CACNA2D1: variants seen among roughly 807,000 people sequenced by gnomAD.
CACNA2D1 encodes the protein calcium voltage-gated channel auxiliary subunit alpha2delta 1.
Under a neutral mutation model 171.5 loss-of-function variants are expected in CACNA2D1, and 53 were observed. The observed-to-expected ratio is 0.31, with a 90% CI of 0.25 to 0.39. The LOEUF is 0.39. CACNA2D1 is among the 10% of genes least tolerant of loss of function. CACNA2D1 has a pLI of 1.00. For synonymous variants in CACNA2D1, 442 were observed against 443.1 expected, an observed-to-expected ratio of 1.00 and a Z score of 0.03; for missense variants, 903 against 1,299.8, an observed-to-expected ratio of 0.69 and a Z score of 4.69.
chr7:82,385,693 C>A (rs1824282110), intron 1 of CACNA2D1, among the ~76,000 whole-genome samples: 1 of 140,748 alleles, frequency 7.1e-6, no homozygotes, highest in Non-Finnish European at 1.5e-5. Flanking sequence ...GAGACAGAAT[C>A]TCTCTCTGTC....
intron 6 of CACNA2D1, among the ~76,000 whole-genome samples, chr7:82,097,438 G>C (rs1019801737): frequency 6.6e-6 from 1 of 152,126 alleles, no homozygotes; most frequent in Non-Finnish European, 1.5e-5. Flanking sequence ...GGTGGATATA[G>C]AGAGTGGAAA....
rs1393138703 is a variant in CACNA2D1, at chr7:81,967,196, T to C, written c.2475A>G (p.Pro825=). ...CACTGTTTCTTTTGCAGTCACAAAC[T>C]GGACCAGCACACTGAAAGACAAAAA... ...KTSIRDPCAG[P]VCDCKRNSDV... is the part of the protein sequence containing the mutation. The change falls in exon 31 of 39, where the codon CCA becomes CCG. Residue 825 remains proline (P), a synonymous_variant. Transcript: ENST00000356860. 9 of 1,608,574 alleles carry C rather than the reference T, an allele frequency of 5.6e-6. No individual in the cohort carries two copies. Among genetic ancestry groups the C allele is most frequent in the Non-Finnish European group, 6.0e-6 (7 of 1,176,350 alleles).
At chr7:82,292,738 T>C (rs1186943364) in intron 3 of CACNA2D1, among the ~76,000 whole-genome samples, 1 of 152,148 alleles carries the variant, frequency 6.6e-6, no homozygotes, top group Admixed American at 6.5e-5. Flanking sequence ...CTGTTCATTA[T>C]TTCACTTCCT....
intron 7 of CACNA2D1, among the ~76,000 whole-genome samples, chr7:82,070,448 C>T (rs758707228): frequency 2.0e-5 from 3 of 152,130 alleles, no homozygotes; most frequent in East Asian, 1.9e-4. Context: ...GGCTAAGTTG[C>T]GCAGGGTGTG....
intron 3 of CACNA2D1, among the ~76,000 whole-genome samples, chr7:82,323,909 C>A (rs185206186): frequency 7.2e-5 from 11 of 152,266 alleles, no homozygotes; most frequent in African/African-American, 1.9e-4. Flanking sequence ...AATTAGGTGC[C>A]CTCTACCATT....
chr7:82,214,444 C>CTT (rs768757608), intron 3 of CACNA2D1, among the ~76,000 whole-genome samples: 2 of 140,440 alleles, frequency 1.4e-5, no homozygotes, highest in Admixed American at 7.2e-5. Context: ...CGCAAGGTGG[C>CTT]TTTTTTTTTT....
chr7:81,959,471 T>C, intron 37 of CACNA2D1, 114 bp from the exon 38 acceptor site: 1 of 804,344 alleles, frequency 1.2e-6, no homozygotes, highest in Non-Finnish European at 2.1e-6. Context: ...ACATCATTAC[T>C]CTCATCCAAC....
chr7:81,983,820 G>A (rs959739147), intron 22 of CACNA2D1, among the ~76,000 whole-genome samples: 6 of 152,110 alleles, frequency 3.9e-5, no homozygotes, highest in African/African-American at 1.4e-4. Flanking sequence ...AGAACTGACA[G>A]AGAAATGAAA....
chr7:82,395,190 C>T (rs1825635328), intron 1 of CACNA2D1, among the ~76,000 whole-genome samples: 1 of 102,256 alleles, frequency 9.8e-6, no homozygotes, highest in African/African-American at 5.7e-5. Flanking sequence ...AAAAACACAA[C>T]ATCAAATTAA....
intron 24 of CACNA2D1, among the ~76,000 whole-genome samples, chr7:81,978,551 A>C (rs1211900766): frequency 6.6e-6 from 1 of 151,810 alleles, no homozygotes; most frequent in Non-Finnish European, 1.5e-5. Context: ...GACACCAGGG[A>C]GGGGAACATC....
At chr7:82,414,370 T>C (rs1478542025) in intron 1 of CACNA2D1, among the ~76,000 whole-genome samples, 1 of 152,208 alleles carries the variant, frequency 6.6e-6, no homozygotes, top group South Asian at 2.1e-4. Flanking sequence ...TGTTTATTGC[T>C]GTACCCAAGG....
intron 10 of CACNA2D1, among the ~76,000 whole-genome samples, chr7:82,052,634 A>T (rs1282037988): frequency 6.6e-6 from 1 of 152,058 alleles, no homozygotes; most frequent in Non-Finnish European, 1.5e-5. Context: ...AACGTGGTTG[A>T]CACTAAAGAT....
intron 3 of CACNA2D1, among the ~76,000 whole-genome samples, chr7:82,330,381 T>C (rs1817167081): frequency 6.6e-6 from 1 of 152,102 alleles, no homozygotes; most frequent in Non-Finnish European, 1.5e-5. Context: ...CTGCAGATAC[T>C]AAAAAGCAAT....
chr7:82,312,797 G>C (rs1563350951), intron 3 of CACNA2D1, among the ~76,000 whole-genome samples: 2 of 151,964 alleles, frequency 1.3e-5, no homozygotes, highest in South Asian at 4.1e-4. Context: ...GCCTCCCAAA[G>C]TACTAGGATT....
Position 82,380,213 on chromosome 7 carries a change from A to C in CACNA2D1, c.96-30564T>G, listed in dbSNP as rs115298362. ...TTTCTCACCTCCAAAGAAGATGATA[A>C]AATTAAAGTAGGAAAATTAGTTTTG... On this transcript the variant is annotated intron_variant, in intron 1 of 38. Transcript: ENST00000356860. Among the ~76,000 whole-genome samples, 1,088 of 152,338 alleles carry C rather than the reference A, an allele frequency of 7.1e-3. 17 individuals carry two copies. Among genetic ancestry groups the C allele is most frequent in the African/African-American group, 0.024 (1,009 of 41,588 alleles).
intron 1 of CACNA2D1, among the ~76,000 whole-genome samples, chr7:82,368,940 T>C (rs1045493635): frequency 6.6e-6 from 1 of 152,148 alleles, no homozygotes; most frequent in East Asian, 1.9e-4. Context: ...ATGAAGAAGT[T>C]TGAAATATTT....
intron 10 of CACNA2D1, among the ~76,000 whole-genome samples, chr7:82,038,960 A>G (rs905046263): frequency 6.6e-6 from 1 of 152,180 alleles, no homozygotes; most frequent in African/African-American, 2.4e-5. Flanking sequence ...AAATATTCAC[A>G]TCGTTCCCTG....
chr7:82,081,379 C>T lies in CACNA2D1; in HGVS notation c.658+3390G>A, dbSNP rs181040144. ...CTTACAAAAACAGAAACACAATCGC[C>T]CACTTTTAAAGTTATGACATTGTCT... On this transcript the variant is annotated intron_variant, in intron 7 of 38. Coordinates refer to ENST00000356860, the MANE Select transcript of CACNA2D1 (RefSeq NM_000722.4). 1.8e-4 allele frequency among the ~76,000 whole-genome samples: 27 copies of T among 152,176 alleles called. No individual in the cohort carries two copies. The East Asian group carries it at 5.0e-3, about 28-fold the overall frequency.
At chr7:82,010,032 C>G (rs1283857827) in intron 15 of CACNA2D1, among the ~76,000 whole-genome samples, 2 of 151,968 alleles carry the variant, frequency 1.3e-5, no homozygotes, top group African/African-American at 4.8e-5. Context: ...ATGCTATACC[C>G]CATTTTTATG....
Sources: gnomAD v4.1 joint callset for allele counts (sites outside exome capture counted in the v4.1 genomes callset) on GRCh38, gnomAD v4.1.1 for gene constraint, MANE v1.5 for transcripts, NCBI Gene and HGNC (gene_info 2026-07-23, HGNC 2026-07-21) for gene names.